Variants in SLC14A1 observed in about 807,000 individuals in gnomAD.
The protein encoded by SLC14A1 is solute carrier family 14 member 1 (Kidd blood group).
In SLC14A1, 36 loss-of-function variants were observed where a neutral mutation model predicts 39.6. That is an observed-to-expected ratio of 0.91 (90% CI 0.70 to 1.20). SLC14A1 has a LOEUF of 1.20. Ranked by LOEUF, SLC14A1 falls within the 50% of genes most tolerant of loss-of-function variation. The pLI, the probability that SLC14A1 is intolerant of heterozygous loss-of-function variation, is 0.00. For synonymous variants in SLC14A1, 164 were observed against 173.6 expected, an observed-to-expected ratio of 0.94 and a Z score of 0.43; for missense variants, 469 against 478.7, an observed-to-expected ratio of 0.98 and a Z score of 0.19.
chr18:45,725,038 C>T (rs1599234606), intron 2 of SLC14A1, 25 bp downstream of exon 2: 1 of 152,168 alleles, frequency 6.6e-6, no homozygotes, highest in Non-Finnish European at 1.5e-5. Context: ...AGTGTCAATG[C>T]TGAAAGTCTC....
chr18:45,733,932 T>G (rs751065505), intron 4 of SLC14A1, among the ~76,000 whole-genome samples: 2 of 152,180 alleles, frequency 1.3e-5, no homozygotes, highest in Non-Finnish European at 2.9e-5. Context: ...GCTTGCTCCT[T>G]ATGAGAATCT....
At chr18:45,733,934 T>C (rs2047106072) in intron 4 of SLC14A1, among the ~76,000 whole-genome samples, 1 of 152,184 alleles carries the variant, frequency 6.6e-6, no homozygotes, top group Non-Finnish European at 1.5e-5. Context: ...TTGCTCCTTA[T>C]GAGAATCTAA....
chr18:45,729,462 A>C (rs1399556378), intron 2 of SLC14A1: 1 of 152,192 alleles, frequency 6.6e-6, no homozygotes, highest in African/African-American at 2.4e-5. Context: ...TAGTGAACAC[A>C]GTCATGGTTA....
intron 8 of SLC14A1, among the ~76,000 whole-genome samples, chr18:45,748,073 T>C (rs1378486869): frequency 6.6e-6 from 1 of 152,222 alleles, no homozygotes. Context: ...AAAAACTACC[T>C]TTATTGAGCA....
At chr18:45,732,148 A>G (rs2047048456) in intron 4 of SLC14A1, among the ~76,000 whole-genome samples, 1 of 152,256 alleles carries the variant, frequency 6.6e-6, no homozygotes, top group African/African-American at 2.4e-5. Context: ...GCTCTGATGA[A>G]ACATGATCAA....
chr18:45,737,985 A>C (rs377139520), intron 6 of SLC14A1, among the ~76,000 whole-genome samples: 10 of 152,364 alleles, frequency 6.6e-5, no homozygotes, highest in Admixed American at 5.2e-4. Flanking sequence ...AGCCAAGTCC[A>C]AAAACAAACA....
chr18:45,744,918 T>C (rs1192650916), intron 8 of SLC14A1, among the ~76,000 whole-genome samples: 1 of 152,108 alleles, frequency 6.6e-6, no homozygotes, highest in Non-Finnish European at 1.5e-5. Context: ...CCGATCACAT[T>C]ATCTGTTGAG....
In SLC14A1 at chr18:45,736,675, G is replaced by C. The variant is rs368659981; in HGVS notation, c.663+27G>C. The C allele has an allele frequency of 1.9e-6, 3 of 1,605,680 alleles. No homozygotes were observed. In the South Asian group the frequency reaches 3.3e-5, roughly 18 times the overall value. On this transcript the variant is annotated intron_variant, in intron 6 of 9. Coordinates refer to ENST00000321925, the MANE Select transcript of SLC14A1 (RefSeq NM_015865.7). Reference sequence around the variant, plus strand: ...TAAGAGACACTGGCTTCTCACATTCGCCCTGGCTCTGCAAGATACGCAATG... The same window carrying C: ...TAAGAGACACTGGCTTCTCACATTCCCCCTGGCTCTGCAAGATACGCAATG...
At chr18:45,735,106 T>G (rs749021671) in intron 5 of SLC14A1, among the ~76,000 whole-genome samples, 1 of 152,180 alleles carries the variant, frequency 6.6e-6, no homozygotes, top group Non-Finnish European at 1.5e-5. Context: ...CACATACACT[T>G]GACTCCTCCC....
rs1000721542 is a variant in SLC14A1 at position 45,751,659 on chromosome 18, T to A, written c.*1708T>A. The A allele has an allele frequency of 7.0e-6, 3 of 428,614 alleles. No individual in the cohort carries two copies. Among genetic ancestry groups the A allele is most frequent in the Non-Finnish European group, 9.3e-6 (3 of 322,134 alleles). The allele number at this position is 428,614 out of a possible 1,614,324, so 26.6% of individuals were successfully genotyped here. On this transcript the variant is annotated 3_prime_UTR_variant, in exon 10 of 10. Coordinates refer to ENST00000321925, the MANE Select transcript of SLC14A1 (RefSeq NM_015865.7). Reference sequence around the variant, plus strand: ...TTAGCCAGGTGTAGCAGCACACATCTGCAGCAGCTACTCAGGAGGCTGAGG... The same window carrying A: ...TTAGCCAGGTGTAGCAGCACACATCAGCAGCAGCTACTCAGGAGGCTGAGG...
In SLC14A1 at chr18:45,750,785, G is replaced by A. The variant is rs1043369915; in HGVS notation, c.*834G>A. The A allele has an allele frequency of 4.1e-6, 4 of 984,964 alleles. No individual in the cohort carries two copies. The highest frequency in any genetic ancestry group is 1.2e-4 in the Admixed American group (2 of 16,264). The allele number at this position is 984,964 out of a possible 1,614,324, so 61.0% of individuals were successfully genotyped here. On this transcript the variant is annotated 3_prime_UTR_variant, in exon 10 of 10. Transcript: ENST00000321925. Reference sequence around the variant, plus strand: ...ACTTACTGTATTTATGAAATACTCAGCTTAGGCATTTTTACTTTAACCCCT... The same window carrying A: ...ACTTACTGTATTTATGAAATACTCAACTTAGGCATTTTTACTTTAACCCCT...
chr18:45,727,699 T>TC (rs1369453026), intron 2 of SLC14A1, among the ~76,000 whole-genome samples: 1 of 152,232 alleles, frequency 6.6e-6, no homozygotes, highest in Non-Finnish European at 1.5e-5. Context: ...TTACTTATTG[T>TC]CCCTTCTTCT....
chr18:45,739,096 G>A (rs1209517172), intron 6 of SLC14A1, 67 bp from the exon 7 acceptor site: 12 of 1,532,688 alleles, frequency 7.8e-6, no homozygotes, highest in Non-Finnish European at 9.9e-6. Context: ...GTAGGAGTTT[G>A]TGGGTGTCCT....
Position 45,725,623 on chromosome 18 carries a change from T to C in SLC14A1, c.-22+610T>C, listed in dbSNP as rs983620857. The stretch of plus-strand genomic sequence containing the variant: ...TCTGCATACTCCAGCACACAGAAAC[T>C]GCTGCTTCACTTGTTTGTTGACTTG... On this transcript the variant is annotated intron_variant, in intron 2 of 9. Coordinates refer to ENST00000321925, the MANE Select transcript of SLC14A1 (RefSeq NM_015865.7). 3.9e-5 allele frequency among the ~76,000 whole-genome samples: 6 copies of C among 152,180 alleles called. No homozygotes were observed. The East Asian group carries it at 1.2e-3, about 29-fold the overall frequency.
chr18:45,739,175 A>ATACC lies in SLC14A1; in HGVS notation c.677_680dup (p.Val228ThrfsTer11). On this transcript the variant is annotated frameshift_variant, in exon 7 of 10. Coordinates refer to ENST00000321925, the MANE Select transcript of SLC14A1 (RefSeq NM_015865.7). LOFTEE classifies it high-confidence loss of function. Reference sequence around the variant, plus strand: ...ATTTCTTTTGCAGTTGTTGAAATCTATACCAGTGGGAGTTGGTCAGATCTA... The same window carrying ATACC: ...ATTTCTTTTGCAGTTGTTGAAATCTATACCTACCAGTGGGAGTTGGTCAGATCTA... 6.2e-7 allele frequency: 1 copy of ATACC among 1,614,166 alleles called. No homozygotes were observed. The highest frequency in any genetic ancestry group is 1.1e-5 in the South Asian group (1 of 91,086).
Position 45,751,331 on chromosome 18 carries a change from A to C in SLC14A1, c.*1380A>C. On this transcript the variant is annotated 3_prime_UTR_variant, in exon 10 of 10. Transcript: ENST00000321925. The stretch of plus-strand genomic sequence containing the variant: ...CTCCAACCTGGGCGACAAGAGTGAA[A>C]CTGTGTCTCTCAAAAAAAAAAAAAA... 2 of 913,606 alleles carry C rather than the reference A, an allele frequency of 2.2e-6. No homozygotes were observed. The highest frequency in any genetic ancestry group is 2.0e-5 in the African/African-American group (1 of 50,078). 56.6% of individuals were successfully genotyped at this position (913,606 alleles called of 1,614,324 possible).
chr18:45,742,507 G>A (rs559439504), intron 8 of SLC14A1, among the ~76,000 whole-genome samples: 37 of 151,512 alleles, frequency 2.4e-4, no homozygotes, highest in Middle Eastern at 3.2e-3. Flanking sequence ...TTACAGGCAC[G>A]CACCATCACG....
At chr18:45,730,593 C>A in intron 3 of SLC14A1, 122 bp downstream of exon 3, 3 of 1,106,954 alleles carry the variant, frequency 2.7e-6, no homozygotes, top group Non-Finnish European at 4.0e-6. Context: ...CTTTACTCAC[C>A]ATTTTTCTAC....
intron 8 of SLC14A1, among the ~76,000 whole-genome samples, chr18:45,740,933 G>T (rs2048900661): frequency 6.6e-6 from 1 of 152,174 alleles, no homozygotes; most frequent in Non-Finnish European, 1.5e-5. Flanking sequence ...CTGACTCCCA[G>T]TGTTCTAGCC....
Sources: gnomAD v4.1 joint callset for allele counts (sites outside exome capture counted in the v4.1 genomes callset) on GRCh38, gnomAD v4.1.1 for gene constraint, MANE v1.5 for transcripts, NCBI Gene and HGNC (gene_info 2026-07-23, HGNC 2026-07-21) for gene names.